Variants in USP47 observed in about 807,000 individuals in gnomAD.
USP47 encodes ubiquitin carboxyl-terminal hydrolase 47.
Under a neutral mutation model 165.1 loss-of-function variants are expected in USP47, and 35 were observed. The observed-to-expected ratio is 0.21, with a 90% CI of 0.16 to 0.28. The LOEUF is 0.28. Ranked by LOEUF, USP47 falls within the 10% of genes least tolerant of loss-of-function variation. The pLI, the probability that USP47 is intolerant of heterozygous loss-of-function variation, is 1.00. For synonymous variants in USP47, 531 were observed against 544.5 expected, an observed-to-expected ratio of 0.98 and a Z score of 0.35; for missense variants, 1,277 against 1,607.4, an observed-to-expected ratio of 0.79 and a Z score of 3.52.
chr11:11,943,066 AGCTGAACCTTAT>A lies in USP47; in HGVS notation c.3050_3061del (p.Glu1017_Ala1020del). ...GAGAAATGCAGTACATGTATTTCAA[AGCTGAACCTTAT>A]GCTGCAGATGAAGGTTCTGGGGAAG... On this transcript the variant is annotated inframe_deletion, in exon 20 of 28. Coordinates refer to ENST00000527733, the MANE Select transcript of USP47 (RefSeq NM_001282659.2). 6.2e-7 allele frequency: 1 copy of A among 1,613,318 alleles called. No homozygotes were observed. Among genetic ancestry groups the A allele is most frequent in the Non-Finnish European group, 8.5e-7 (1 of 1,179,508 alleles).
intron 24 of USP47, 167 bp from the exon 25 acceptor site, chr11:11,952,574 T>C (rs1856292878): frequency 1.8e-6 from 1 of 556,080 alleles, no homozygotes; most frequent in Non-Finnish European, 2.8e-6. Context: ...AGAGAGTAAA[T>C]ATTTCATTCT....
At position 11,956,302 on chromosome 11, in the gene USP47, GCCCTACA is replaced by G; in HGVS notation, c.*130_*136del. The G allele has an allele frequency of 1.1e-6, 1 of 891,782 alleles. No homozygotes were observed. 55.2% of individuals were successfully genotyped at this position (891,782 alleles called of 1,614,324 possible). On this transcript the variant is annotated 3_prime_UTR_variant, in exon 28 of 28. Coordinates refer to ENST00000527733, the MANE Select transcript of USP47 (RefSeq NM_001282659.2). ...CAGTGACACCAGCACTGATTGGACT[GCCCTACA>G]CCAATCAGAAGCTCAGTGCCCAATG...
chr11:11,948,595 T>G (rs1157126452), intron 22 of USP47, 37 bp downstream of exon 22: 5 of 1,507,546 alleles, frequency 3.3e-6, no homozygotes, highest in Non-Finnish European at 4.6e-6. Context: ...AAGGTTACTT[T>G]TTACAGTTAC....
chr11:11,933,811 T>A lies in USP47; in HGVS notation c.1765-20T>A. On this transcript the variant is annotated intron_variant, in intron 15 of 27. Transcript: ENST00000527733. The stretch of plus-strand genomic sequence containing the variant: ...AACTTTGGAACTGCAGAGTTGATGA[T>A]GATATTTTACATTTTCTAGATAAAA... The A allele has an allele frequency of 6.5e-7, 1 of 1,539,900 alleles. No individual in the cohort carries two copies. Among genetic ancestry groups the A allele is most frequent in the Non-Finnish European group, 9.0e-7 (1 of 1,116,970 alleles).
chr11:11,881,587 T>A (rs1850834029), intron 2 of USP47, among the ~76,000 whole-genome samples: 1 of 152,126 alleles, frequency 6.6e-6, no homozygotes, highest in South Asian at 2.1e-4. Context: ...CTGTTTTCTA[T>A]TTTTTAATTT....
intron 1 of USP47, among the ~76,000 whole-genome samples, chr11:11,874,026 C>A (rs1209438546): frequency 6.6e-6 from 1 of 152,058 alleles, no homozygotes. Context: ...GAATTTGTAT[C>A]TGATAGTACC....
At chr11:11,844,451 C>T (rs1848315946) in intron 1 of USP47, among the ~76,000 whole-genome samples, 1 of 152,022 alleles carries the variant, frequency 6.6e-6, no homozygotes, top group African/African-American at 2.4e-5. Flanking sequence ...TCTAAGTTAC[C>T]CCTCCACTTT....
intron 15 of USP47, 45 bp downstream of exon 15, chr11:11,933,161 A>G: frequency 6.6e-7 from 1 of 1,506,274 alleles, no homozygotes; most frequent in East Asian, 2.3e-5. Context: ...GCTATTTTTA[A>G]GCTCGCTTAC....
intron 24 of USP47, chr11:11,951,603 C>G (rs1856231315): frequency 6.6e-6 from 1 of 152,070 alleles, no homozygotes; most frequent in Non-Finnish European, 1.5e-5. Context: ...TCCTTTTCTT[C>G]TGTAGAAAGT....
chr11:11,942,019 A>T (rs1488670726), intron 19 of USP47, among the ~76,000 whole-genome samples: 2 of 152,144 alleles, frequency 1.3e-5, no homozygotes, highest in African/African-American at 2.4e-5. Flanking sequence ...GAAAAACCAG[A>T]GTATTAATTT....
At chr11:11,859,093 C>T (rs1163052379) in intron 1 of USP47, among the ~76,000 whole-genome samples, 2 of 151,924 alleles carry the variant, frequency 1.3e-5, no homozygotes, top group Admixed American at 6.6e-5. Context: ...TCTGTTTGTG[C>T]TTTTAGTTTG....
chr11:11,939,187 G>C (rs1445530955), intron 18 of USP47, among the ~76,000 whole-genome samples: 1 of 151,870 alleles, frequency 6.6e-6, no homozygotes, highest in South Asian at 2.1e-4. Context: ...TCCTTACAAG[G>C]GTCCTGTACT....
At position 11,954,961 on chromosome 11, in the gene USP47, G is replaced by A. The variant is rs1218939915; in HGVS notation, c.3762+17G>A. 1 of 1,613,838 alleles carries A rather than the reference G, an allele frequency of 6.2e-7. No homozygotes were observed. The highest frequency in any genetic ancestry group is 1.3e-5 in the African/African-American group (1 of 75,028). Reference sequence around the variant, plus strand: ...TTTGCTAAGGTAAAGCCCTGAGAATGTTGCATCTGTGTATTGTGCATGATA... The same window carrying A: ...TTTGCTAAGGTAAAGCCCTGAGAATATTGCATCTGTGTATTGTGCATGATA... On this transcript the variant is annotated intron_variant, in intron 26 of 27. Transcript: ENST00000527733.
At chr11:11,899,393 C>A (rs1471684226) in intron 5 of USP47, among the ~76,000 whole-genome samples, 1 of 152,202 alleles carries the variant, frequency 6.6e-6, no homozygotes, top group South Asian at 2.1e-4. Flanking sequence ...TGGACATTTA[C>A]TGTGTGCTAG....
chr11:11,929,561 G>A lies in USP47; in HGVS notation c.1514G>A (p.Ser505Asn). The change falls in exon 12 of 28, where the codon AGC (serine) becomes AAC (asparagine). Residue 505 changes from serine to asparagine, a missense_variant. Ser to Asn is a conservative substitution (Grantham distance 46). This residue lies in a region of USP47 where 909 missense variants were observed against 1,068.1 expected (regional missense o/e 0.85). Coordinates refer to ENST00000527733, the MANE Select transcript of USP47 (RefSeq NM_001282659.2). ...QWYSFNDQHV[S>N]RITQEDIKKT... ...TACAGCTTCAATGATCAACATGTCA[G>A]CAGGGTAAGGAGGTGTCCTTTAAGA... 6.2e-7 allele frequency: 1 copy of A among 1,612,740 alleles called. No homozygotes were observed. Among genetic ancestry groups the A allele is most frequent in the East Asian group, 2.2e-5 (1 of 44,816 alleles).
At chr11:11,842,405 T>C (rs1418965457) in intron 1 of USP47, among the ~76,000 whole-genome samples, 181 bp downstream of exon 1, 3 of 151,836 alleles carry the variant, frequency 2.0e-5, no homozygotes, top group Admixed American at 6.5e-5. Flanking sequence ...ACCCGCTGGC[T>C]CTAGGGGCCG....
chr11:11,900,381 C>T (rs1320354556), intron 5 of USP47, among the ~76,000 whole-genome samples: 4 of 151,982 alleles, frequency 2.6e-5, no homozygotes, highest in African/African-American at 4.8e-5. Context: ...AGGATGGTCT[C>T]GATCTCCTGA....
At chr11:11,900,676 G>C (rs1852168973) in intron 5 of USP47, among the ~76,000 whole-genome samples, 1 of 152,182 alleles carries the variant, frequency 6.6e-6, no homozygotes, top group African/African-American at 2.4e-5. Flanking sequence ...TTACATTTCA[G>C]ATTGAAAACT....
intron 10 of USP47, among the ~76,000 whole-genome samples, 157 bp downstream of exon 10, chr11:11,920,651 T>G (rs1853770634): frequency 6.6e-6 from 1 of 151,894 alleles, no homozygotes; most frequent in African/African-American, 2.4e-5. Context: ...TTCAATAAAA[T>G]GATTTACCTT....
Sources: allele counts gnomAD v4.1 joint callset (sites outside exome capture counted in the v4.1 genomes callset), GRCh38; gene constraint gnomAD v4.1.1; regional missense constraint gnomAD v4.1.1; transcripts MANE v1.5; gene names NCBI Gene and HGNC (gene_info 2026-07-23, HGNC 2026-07-21).